PCOLCE2: variants seen among roughly 807,000 people sequenced by gnomAD.
PCOLCE2 encodes procollagen C-proteinase enhancer 2.
PCOLCE2 carries 42 observed loss-of-function variants against 47.0 expected under a neutral mutation model. The ratio of observed to expected loss-of-function variants is 0.89; its 90% CI spans 0.70 to 1.16. The LOEUF is 1.16. PCOLCE2 is among the 50% of genes most tolerant of loss of function. PCOLCE2 has a pLI of 0.00. For synonymous variants in PCOLCE2, 169 were observed against 191.7 expected (o/e 0.88, Z 0.98); for missense variants, 500 against 526.1 (o/e 0.95, Z 0.49).
intron 3 of PCOLCE2, among the ~76,000 whole-genome samples, chr3:142,844,948 G>A (rs1007681230): frequency 2.6e-5 from 4 of 152,028 alleles, no homozygotes; most frequent in African/African-American, 9.7e-5. Context: ...TATTTCAAGT[G>A]CTTTCTTGTA....
intron 2 of PCOLCE2, among the ~76,000 whole-genome samples, chr3:142,870,824 C>A: frequency 6.6e-6 from 1 of 151,858 alleles, no homozygotes; most frequent in Non-Finnish European, 1.5e-5. Context: ...TACCCAGCTC[C>A]TTGAACTGCA....
intron 2 of PCOLCE2, among the ~76,000 whole-genome samples, chr3:142,874,524 T>C (rs951058873): frequency 6.6e-6 from 1 of 152,246 alleles, no homozygotes; most frequent in African/African-American, 2.4e-5. Flanking sequence ...CTCTTTTCTT[T>C]ATAAATTACC....
At chr3:142,852,570 C>T (rs1932972672) in intron 2 of PCOLCE2, among the ~76,000 whole-genome samples, 1 of 151,370 alleles carries the variant, frequency 6.6e-6, no homozygotes, top group African/African-American at 2.4e-5. Flanking sequence ...GTCTTCATCC[C>T]AGGCCCCATT....
chr3:142,839,457 T>A (rs1230734812), intron 4 of PCOLCE2, among the ~76,000 whole-genome samples: 2 of 151,918 alleles, frequency 1.3e-5, no homozygotes, highest in Non-Finnish European at 2.9e-5. Context: ...GAGTTTCAGG[T>A]GCCCGCCACC....
chr3:142,845,417 T>C (rs1248984525), intron 3 of PCOLCE2, among the ~76,000 whole-genome samples: 1 of 152,232 alleles, frequency 6.6e-6, no homozygotes, highest in Non-Finnish European at 1.5e-5. Context: ...CAGATACATG[T>C]AAAGAAATTA....
chr3:142,827,338 T>C (rs1578029508), intron 6 of PCOLCE2: 1 of 1,444,022 alleles, frequency 6.9e-7, no homozygotes, highest in African/African-American at 1.4e-5. Flanking sequence ...TCAAGATGGG[T>C]TTGTCAGTTC....
At chr3:142,855,196 C>T (rs1012036799) in intron 2 of PCOLCE2, among the ~76,000 whole-genome samples, 1 of 152,196 alleles carries the variant, frequency 6.6e-6, no homozygotes, top group Non-Finnish European at 1.5e-5. Flanking sequence ...TATTTCTTCA[C>T]AGATTATTTA....
In PCOLCE2 at chr3:142,848,476, C is replaced by A. The variant is rs1378778009; in HGVS notation, c.193-4G>T. 3 of 1,592,500 alleles carry A rather than the reference C, an allele frequency of 1.9e-6. No individual in the cohort carries two copies. Among genetic ancestry groups the A allele is most frequent in the African/African-American group, 2.7e-5 (2 of 74,156 alleles). On this transcript the variant is annotated splice_polypyrimidine_tract_variant and splice_region_variant and intron_variant, in intron 2 of 8. Coordinates refer to ENST00000295992, the MANE Select transcript of PCOLCE2 (RefSeq NM_013363.4). ...CGACTACTTTTCCTTCGGGAACCTG[C>A]CAAGAAAAGCGCCAATTAGAAAACT... is the stretch of plus-strand genomic sequence containing the variant.
chr3:142,881,667 T>C (rs1933624148), intron 2 of PCOLCE2, among the ~76,000 whole-genome samples: 1 of 152,182 alleles, frequency 6.6e-6, no homozygotes, highest in South Asian at 2.1e-4. Flanking sequence ...GGTAAATATT[T>C]GTGTATCTAA....
chr3:142,838,850 A>G lies in PCOLCE2; in HGVS notation c.630T>C (p.Tyr210=). Residue 210 remains tyrosine, a synonymous_variant, in exon 5 of 9, where the codon TAT becomes TAC. Coordinates refer to ENST00000295992, the MANE Select transcript of PCOLCE2 (RefSeq NM_013363.4). ...CGCCATTAAACACAGCCACATAATCATATCGGCAGTAGTTATCTCGCTCCA... is the reference window on the plus strand; with the variant it reads ...CGCCATTAAACACAGCCACATAATCGTATCGGCAGTAGTTATCTCGCTCCA... ...FDVERDNYCR[Y]DYVAVFNGGE... is the part of the protein sequence containing the mutation. The G allele has an allele frequency of 1.2e-6, 2 of 1,612,386 alleles. No individual in the cohort carries two copies. Among genetic ancestry groups the G allele is most frequent in the Non-Finnish European group, 1.7e-6 (2 of 1,178,394 alleles).
chr3:142,848,581 T>G, intron 2 of PCOLCE2, 109 bp from the exon 3 acceptor site: 1 of 989,536 alleles, frequency 1.0e-6, no homozygotes, highest in Non-Finnish European at 1.5e-6. Flanking sequence ...GATAATGCTT[T>G]TTCCTCTCTC....
intron 2 of PCOLCE2, among the ~76,000 whole-genome samples, chr3:142,875,207 C>T (rs868541136): frequency 5.3e-5 from 8 of 152,286 alleles, no homozygotes; most frequent in Admixed American, 6.5e-5. Flanking sequence ...CACAAATACA[C>T]GTATCTTTAA....
intron 2 of PCOLCE2, among the ~76,000 whole-genome samples, chr3:142,882,274 T>C (rs1166872479): frequency 6.6e-6 from 1 of 152,144 alleles, no homozygotes; most frequent in African/African-American, 2.4e-5. Context: ...CTTGAACACC[T>C]TGCTGCAAGC....
At chr3:142,829,940 A>G (rs140108985) in intron 5 of PCOLCE2, 94 bp from the exon 6 acceptor site, 2 of 637,592 alleles carry the variant, frequency 3.1e-6, no homozygotes, top group Non-Finnish European at 5.3e-6. Flanking sequence ...ACTTCCGACA[A>G]TAGATTACCA....
At chr3:142,828,132 A>G (rs1937106956) in intron 6 of PCOLCE2, among the ~76,000 whole-genome samples, 1 of 152,218 alleles carries the variant, frequency 6.6e-6, no homozygotes, top group South Asian at 2.1e-4. Context: ...TCTTTGTAAA[A>G]TGTGAAACTA....
At chr3:142,872,653 C>T (rs1259252208) in intron 2 of PCOLCE2, among the ~76,000 whole-genome samples, 1 of 152,072 alleles carries the variant, frequency 6.6e-6, no homozygotes, top group East Asian at 1.9e-4. Flanking sequence ...GGTGTTCCAC[C>T]TTCTGTCCTC....
At chr3:142,824,605 G>A (rs1937052999) in intron 6 of PCOLCE2, among the ~76,000 whole-genome samples, 1 of 150,974 alleles carries the variant, frequency 6.6e-6, no homozygotes, top group Non-Finnish European at 1.5e-5. Context: ...TCTTCCAACA[G>A]GCCCCACCAA....
At chr3:142,843,887 A>G (rs1334824621) in intron 3 of PCOLCE2, among the ~76,000 whole-genome samples, 1 of 152,202 alleles carries the variant, frequency 6.6e-6, no homozygotes, top group Admixed American at 6.5e-5. Flanking sequence ...AATGTATTAT[A>G]AAAATGGAGG....
rs75201742 is a variant in PCOLCE2 at position 142,850,206 on chromosome 3, A to C, written c.193-1734T>G. ...TTTGCACACAACCTCTATTTGTACA[A>C]TAATCAGAAAGTTATCAAAATATGA... On this transcript the variant is annotated intron_variant, in intron 2 of 8. Coordinates refer to ENST00000295992, the MANE Select transcript of PCOLCE2 (RefSeq NM_013363.4). 1.3e-3 allele frequency among the ~76,000 whole-genome samples: 201 copies of C among 152,370 alleles called. 1 individual carries two copies. Among genetic ancestry groups the C allele is most frequent in the Non-Finnish European group, 2.1e-3 (141 of 68,036 alleles).
Sources: allele counts gnomAD v4.1 joint callset (sites outside exome capture counted in the v4.1 genomes callset), GRCh38; gene constraint gnomAD v4.1.1; transcripts MANE v1.5; gene names NCBI Gene and HGNC (gene_info 2026-07-23, HGNC 2026-07-21).